Variants in ST6GAL1 observed in about 807,000 individuals in gnomAD.
ST6GAL1 encodes ST6 beta-galactoside alpha-2,6-sialyltransferase 1, also known as beta-galactoside alpha-2,6-sialyltransferase 1.
ST6GAL1 carries 20 observed loss-of-function variants against 38.0 expected under a neutral mutation model. That is an observed-to-expected ratio of 0.53 (90% confidence interval 0.37 to 0.77). The LOEUF (loss-of-function observed/expected upper bound fraction) is 0.77, where lower values mean the gene tolerates loss of function less well. ST6GAL1 is among the 30% of genes least tolerant of loss of function. The probability of loss-of-function intolerance (pLI) is 0.00; values close to 1 mark genes in which losing one functional copy is unlikely to be tolerated. For synonymous variants in ST6GAL1, 196 were observed against 188.2 expected (o/e 1.04, Z -0.34); for missense variants, 432 against 496.4 (o/e 0.87, Z 1.23).
rs950787118 is a variant in ST6GAL1, at chr3:187,075,994, A to C, written c.*191A>C. On this transcript the variant is annotated 3_prime_UTR_variant, in exon 8 of 8. Coordinates refer to ENST00000169298, the MANE Select transcript of ST6GAL1 (RefSeq NM_173216.2). The surrounding 1 kb of genome is among the most constrained non-coding windows in gnomAD (Gnocchi z 4.1). Reference sequence around the variant, plus strand: ...GGTCCAGCCTTCCCTGTAGCCAGACAGTTTATGAGCCCAGAGCCTCCTGCC... The same window carrying C: ...GGTCCAGCCTTCCCTGTAGCCAGACCGTTTATGAGCCCAGAGCCTCCTGCC... 2.4e-5 allele frequency: 19 copies of C among 793,218 alleles called. No individual in the cohort carries two copies. Among genetic ancestry groups the C allele is most frequent in the Non-Finnish European group, 3.1e-5 (16 of 517,736 alleles). 49.1% of individuals were successfully genotyped at this position (793,218 alleles called of 1,614,324 possible).
At chr3:186,938,612 A>G (rs889066820) in intron 1 of ST6GAL1, among the ~76,000 whole-genome samples, 13 of 152,242 alleles carry the variant, frequency 8.5e-5, no homozygotes, top group Admixed American at 2.0e-4. Context: ...CAGAAAGTTA[A>G]TTAAAATGGA....
intron 1 of ST6GAL1, among the ~76,000 whole-genome samples, chr3:186,944,595 G>A (rs561557122): frequency 6.1e-4 from 93 of 152,298 alleles, no homozygotes; most frequent in African/African-American, 2.1e-3. Context: ...AGCCAAGGAA[G>A]ACATTGGGGA....
intron 2 of ST6GAL1, among the ~76,000 whole-genome samples, chr3:186,984,932 A>T (rs947640618): frequency 2.0e-5 from 3 of 149,570 alleles, no homozygotes; most frequent in Admixed American, 6.7e-5. Flanking sequence ...TTTCTGAGAT[A>T]GGGTCTCGCT....
chr3:187,002,437 G>A (rs751706278), intron 2 of ST6GAL1, among the ~76,000 whole-genome samples: 4 of 152,172 alleles, frequency 2.6e-5, no homozygotes, highest in Non-Finnish European at 4.4e-5. Context: ...TCCTCTCCCT[G>A]GTCTGTCCAA....
At chr3:187,069,780 A>G (rs1211548425) in intron 5 of ST6GAL1, among the ~76,000 whole-genome samples, 1 of 152,154 alleles carries the variant, frequency 6.6e-6, no homozygotes, top group Non-Finnish European at 1.5e-5. Context: ...TATCCTAGCC[A>G]TACTGAACTA....
At chr3:187,016,385 C>T (rs1203976176) in intron 2 of ST6GAL1, among the ~76,000 whole-genome samples, 4 of 152,054 alleles carry the variant, frequency 2.6e-5, no homozygotes, top group South Asian at 4.2e-4. Flanking sequence ...GAGAAGAGTG[C>T]GGGAGTGCAG....
chr3:187,039,329 T>A (rs1718047593), intron 3 of ST6GAL1, among the ~76,000 whole-genome samples: 1 of 152,198 alleles, frequency 6.6e-6, no homozygotes, highest in African/African-American at 2.4e-5. Context: ...TACAATTGCA[T>A]CAGTTCAATA....
chr3:186,938,507 A>G (rs574796354), intron 1 of ST6GAL1, among the ~76,000 whole-genome samples: 1 of 152,306 alleles, frequency 6.6e-6, no homozygotes, highest in South Asian at 2.1e-4. Context: ...TGTTATTGTT[A>G]TAACTGAGGT....
At chr3:187,047,749 A>AT (rs59517268) in intron 4 of ST6GAL1, among the ~76,000 whole-genome samples, 32,923 of 151,684 alleles carry the variant, frequency 0.22, 4,866 homozygotes, top group African/African-American at 0.42. Context: ...GACAAACAGG[A>AT]TTTTTTTCTC....
chr3:186,980,969 GT>G (rs1715679889), intron 2 of ST6GAL1, among the ~76,000 whole-genome samples: 1 of 152,190 alleles, frequency 6.6e-6, no homozygotes, highest in African/African-American at 2.4e-5. Flanking sequence ...TCCTCAGTCA[GT>G]GTCTGCTGTA....
intron 5 of ST6GAL1, among the ~76,000 whole-genome samples, chr3:187,055,255 G>A (rs537693935): frequency 6.8e-6 from 1 of 147,812 alleles, no homozygotes; most frequent in Non-Finnish European, 1.5e-5. Context: ...AAAAAAAACA[G>A]CTCCTGGATT....
intron 2 of ST6GAL1, among the ~76,000 whole-genome samples, chr3:186,975,622 C>T (rs1295058897): frequency 6.6e-6 from 1 of 152,204 alleles, no homozygotes; most frequent in Non-Finnish European, 1.5e-5. Context: ...TTTGTACTCT[C>T]CCATCCACTT....
intron 2 of ST6GAL1, among the ~76,000 whole-genome samples, chr3:186,996,088 GA>G (rs1173719975): frequency 6.6e-6 from 1 of 152,088 alleles, no homozygotes; most frequent in Non-Finnish European, 1.5e-5. Context: ...TATGATATTT[GA>G]GATTCTTTTA....
chr3:186,984,806 T>TTCCTC (rs1715840950), intron 2 of ST6GAL1, among the ~76,000 whole-genome samples: 1 of 26,154 alleles, frequency 3.8e-5, no homozygotes, highest in Admixed American at 3.8e-4. Flanking sequence ...CTTCCTTCCA[T>TTCCTC]CCTTCCTTCC....
At chr3:187,056,956 G>A (rs775438262) in intron 5 of ST6GAL1, among the ~76,000 whole-genome samples, 7 of 151,968 alleles carry the variant, frequency 4.6e-5, no homozygotes, top group Non-Finnish European at 8.8e-5. Context: ...ACGTAGATTT[G>A]GTCTTTTCAC....
chr3:187,015,199 G>A (rs973868335), intron 2 of ST6GAL1, among the ~76,000 whole-genome samples: 2 of 152,160 alleles, frequency 1.3e-5, no homozygotes, highest in Non-Finnish European at 2.9e-5. Flanking sequence ...TCTTGCGTAC[G>A]AAGGGACTGG....
chr3:186,948,445 C>A (rs912402240), intron 1 of ST6GAL1, among the ~76,000 whole-genome samples: 6 of 152,018 alleles, frequency 3.9e-5, no homozygotes, highest in African/African-American at 1.4e-4. Flanking sequence ...GCTGGAGGCA[C>A]CTGACGTTTG....
intron 2 of ST6GAL1, among the ~76,000 whole-genome samples, chr3:187,031,052 A>G (rs372619117): frequency 7.2e-5 from 11 of 152,336 alleles, no homozygotes; most frequent in African/African-American, 2.6e-4. Flanking sequence ...GTTGTGGCCC[A>G]GGAGCTCTCA....
chr3:187,065,726 A>G (rs774537573), intron 5 of ST6GAL1, among the ~76,000 whole-genome samples: 1 of 152,348 alleles, frequency 6.6e-6, no homozygotes, highest in Non-Finnish European at 1.5e-5. Flanking sequence ...AACAGTCCAC[A>G]CTGACTGGAC....
Sources: gnomAD v4.1 joint callset for allele counts (sites outside exome capture counted in the v4.1 genomes callset) on GRCh38, gnomAD v4.1.1 for gene constraint, Gnocchi (gnomAD v3.1) non-coding constraint, MANE v1.5 for transcripts, NCBI Gene and HGNC (gene_info 2026-07-23, HGNC 2026-07-21) for gene names.